Variants in TBC1D21 observed in about 807,000 individuals in gnomAD.
The protein encoded by TBC1D21 is male germ cell Rab GTPase-activating protein.
Under a neutral mutation model 46.0 loss-of-function variants are expected in TBC1D21, and 38 were observed. That is an observed-to-expected ratio of 0.83 (90% CI 0.64 to 1.08). The LOEUF (loss-of-function observed/expected upper bound fraction) is 1.08, where lower values mean the gene tolerates loss of function less well. TBC1D21 is among the 50% of genes least tolerant of loss of function. The probability of loss-of-function intolerance (pLI) is 0.00; values close to 1 mark genes in which losing one functional copy is unlikely to be tolerated. For missense variants in TBC1D21, 415 were observed against 417.9 expected (o/e 0.99, Z 0.06); for synonymous variants, 151 against 157.2 (o/e 0.96, Z 0.29).
chr15:73,888,343 G>T, intron 9 of TBC1D21, 87 bp from the exon 10 acceptor site: 1 of 1,112,146 alleles, frequency 9.0e-7, no homozygotes, highest in South Asian at 1.4e-5. Flanking sequence ...TTCTTCCCTG[G>T]GTGCTGCAGG....
chr15:73,894,584 G>T, the TBC1D21 span, among the ~76,000 whole-genome samples: 1 of 152,184 alleles, frequency 6.6e-6, no homozygotes. Flanking sequence ...GGGTGAGTGT[G>T]GGGACCCAAG....
chr15:73,879,479 AAGTGCT>A (rs1840812675), intron 1 of TBC1D21, among the ~76,000 whole-genome samples: 1 of 152,032 alleles, frequency 6.6e-6, no homozygotes, highest in Admixed American at 6.5e-5. Context: ...GGGCCTTCCA[AAGTGCT>A]GGGATTACAG....
At position 73,873,723 on chromosome 15, in the gene TBC1D21, C is replaced by T; in HGVS notation, c.14C>T (p.Ser5Phe). The part of the protein sequence containing the change: MTTL[S>F]PENSLSARQS... ...ACAGCAGGGGCCATGACCACCCTCT[C>T]TCCTGAAAACAGCCTCTCTGCCAGA... Residue 5 changes from serine (S) to phenylalanine (F), a missense_variant, in exon 1 of 11, where the codon TCT becomes TTT. Physicochemically the swap from Ser to Phe is radical, Grantham distance 155. Transcript: ENST00000300504. The T allele has an allele frequency of 6.2e-7, 1 of 1,607,994 alleles. No homozygotes were observed. Among genetic ancestry groups the T allele is most frequent in the East Asian group, 2.2e-5 (1 of 44,730 alleles).
intron 1 of TBC1D21, among the ~76,000 whole-genome samples, chr15:73,877,194 C>T (rs1319205400): frequency 6.6e-6 from 1 of 152,102 alleles, no homozygotes; most frequent in Non-Finnish European, 1.5e-5. Flanking sequence ...GAATGAAATG[C>T]ATTTATTTTC....
chr15:73,909,386 T>TAA, the TBC1D21 span, among the ~76,000 whole-genome samples: 1 of 151,110 alleles, frequency 6.6e-6, no homozygotes, highest in African/African-American at 2.4e-5. Flanking sequence ...AAAATCCACA[T>TAA]AGAGTGCAGC....
At chr15:73,877,508 GAAAACTAAAAAAAA>G (rs2068086281) in intron 1 of TBC1D21, among the ~76,000 whole-genome samples, 1 of 23,916 alleles carries the variant, frequency 4.2e-5, no homozygotes, top group East Asian at 1.1e-3. Context: ...AACACTTCCA[GAAAACTAAAAAAAA>G]AAAAAAAAAA....
chr15:73,898,558 T>G, the TBC1D21 span, among the ~76,000 whole-genome samples: 1 of 152,002 alleles, frequency 6.6e-6, no homozygotes, highest in South Asian at 2.1e-4. Context: ...TCATAATATA[T>G]TCATAATATA....
rs757779784 is a variant in TBC1D21 at position 73,886,575 on chromosome 15, C to A, written c.740C>A (p.Ala247Asp). The A allele has an allele frequency of 1.2e-6, 2 of 1,613,656 alleles. No homozygotes were observed. The highest frequency in any genetic ancestry group is 1.1e-5 in the South Asian group (1 of 91,036). ...TGGTTCTGCTTCTGCTTCCAGCGTG[C>A]CTTCAAGTCCTTCGATGATGTCTGG... The part of the protein sequence containing the change: ...FPWFCFCFQR[A>D]FKSFDDVWRL... Residue 247 changes from alanine to aspartate, a missense_variant, in exon 8 of 11, where the codon GCC (alanine) becomes GAC (aspartate). Coordinates refer to ENST00000300504, the MANE Select transcript of TBC1D21 (RefSeq NM_153356.3).
In TBC1D21 at chr15:73,888,330, T is replaced by A; in HGVS notation, c.895-100T>A. ...TCCCCAGCGACTGCTGTGAGCAGCA[T>A]CCTTCTTCCCTGGGTGCTGCAGGCA... On this transcript the variant is annotated intron_variant, in intron 9 of 10. Transcript: ENST00000300504. The A allele has an allele frequency of 9.2e-6, 9 of 973,640 alleles. No homozygotes were observed. The South Asian group carries it at 1.3e-4, about 14-fold the overall frequency. The allele number at this position is 973,640 out of a possible 1,614,324, so 60.3% of individuals were successfully genotyped here.
chr15:73,898,880 A>AAAAAAAAATATATATATATATATATAT, the TBC1D21 span, among the ~76,000 whole-genome samples: 6 of 56,784 alleles, frequency 1.1e-4, no homozygotes, highest in Non-Finnish European at 1.9e-4. Flanking sequence ...AAAAAAAAAA[A>AAAAAAAAATATATATATATATATATAT]ATATATATAT....
chr15:73,886,460 C>G, intron 7 of TBC1D21, 52 bp from the exon 8 acceptor site: 1 of 1,531,944 alleles, frequency 6.5e-7, no homozygotes, highest in South Asian at 1.1e-5. Context: ...CATGTGTTTG[C>G]TGCATCATAT....
chr15:73,904,035 G>A, the TBC1D21 span, among the ~76,000 whole-genome samples: 3 of 151,974 alleles, frequency 2.0e-5, no homozygotes, highest in African/African-American at 4.8e-5. Flanking sequence ...GCAACAGAGC[G>A]AGACTCCGTC....
chr15:73,891,747 G>T (rs1431899269), downstream of TBC1D21, among the ~76,000 whole-genome samples: 1 of 152,238 alleles, frequency 6.6e-6, no homozygotes, highest in East Asian at 1.9e-4. Context: ...GCTCACACCT[G>T]GGGCAGCACT....
chr15:73,889,175 T>G lies in TBC1D21; in HGVS notation c.*74T>G. On this transcript the variant is annotated 3_prime_UTR_variant, in exon 11 of 11. Transcript: ENST00000300504. ...GGCCAGGGGCACTGGAGTGAGGGAG[T>G]AGATAAAACAGCTGCAATATAAACA... 2 of 1,514,588 alleles carry G rather than the reference T, an allele frequency of 1.3e-6. No individual in the cohort carries two copies. The highest frequency in any genetic ancestry group is 1.8e-6 in the Non-Finnish European group (2 of 1,100,426). The allele number at this position is 1,514,588 out of a possible 1,614,324, so 93.8% of individuals were successfully genotyped here. A position where few individuals can be genotyped will look rare whatever the true frequency, so the allele number is the denominator to read the frequency against.
intron 1 of TBC1D21, among the ~76,000 whole-genome samples, chr15:73,876,320 T>C (rs1293850808): frequency 7.1e-6 from 1 of 141,636 alleles, no homozygotes; most frequent in African/African-American, 2.6e-5. Flanking sequence ...CTCCGCCTCC[T>C]GGGTTCACGT....
chr15:73,904,547 T>C, the TBC1D21 span, among the ~76,000 whole-genome samples: 1 of 152,310 alleles, frequency 6.6e-6, no homozygotes, highest in South Asian at 2.1e-4. Context: ...CCTCCCGCCA[T>C]GTGCCATAAT....
At chr15:73,900,842 T>C in the TBC1D21 span, among the ~76,000 whole-genome samples, 1 of 152,234 alleles carries the variant, frequency 6.6e-6, no homozygotes, top group Non-Finnish European at 1.5e-5. Context: ...GCTCTGACTC[T>C]GAGCATTCAT....
chr15:73,885,060 A>G lies in TBC1D21; in HGVS notation c.536A>G (p.Asp179Gly), dbSNP rs764028783. 2 of 1,613,036 alleles carry G rather than the reference A, an allele frequency of 1.2e-6. No homozygotes were observed. Among genetic ancestry groups the G allele is most frequent in the Non-Finnish European group, 1.7e-6 (2 of 1,179,930 alleles). ...MMLFQLMVEHDHETFWLFQFF... is the reference protein window; with the variant it reads ...MMLFQLMVEHGHETFWLFQFF... ...CTCTTCCAGCTGATGGTGGAGCACG[A>G]CCACGAGACCTTCTGGCTTTTCCAG... is the stretch of plus-strand genomic sequence containing the variant. The change falls in exon 6 of 11, where the codon GAC (aspartate) becomes GGC (glycine). Residue 179 changes from aspartate to glycine, a missense_variant. Transcript: ENST00000300504.
In TBC1D21 at chr15:73,873,743, G is replaced by C; in HGVS notation, c.34G>C (p.Ala12Pro). Residue 12 changes from alanine to proline, a missense_variant, in exon 1 of 11, where the codon GCC (alanine) becomes CCC (proline). By Grantham distance (27) the Ala-to-Pro change is conservative. Transcript: ENST00000300504. ...CCTCTCTCCTGAAAACAGCCTCTCT[G>C]CCAGACAGTCAGCCTCCTTCATCCT... ...TTLSPENSLS[A>P]RQSASFILVK... is the part of the protein sequence containing the mutation. 6.2e-7 allele frequency: 1 copy of C among 1,610,240 alleles called. No homozygotes were observed. Among genetic ancestry groups the C allele is most frequent in the Non-Finnish European group, 8.5e-7 (1 of 1,177,976 alleles).
Sources: gnomAD v4.1 joint callset for allele counts (sites outside exome capture counted in the v4.1 genomes callset) on GRCh38, gnomAD v4.1.1 for gene constraint, MANE v1.5 for transcripts, NCBI Gene and HGNC (gene_info 2026-07-23, HGNC 2026-07-21) for gene names.